GGACT: variants seen among roughly 807,000 people sequenced by gnomAD.
GGACT encodes gamma-glutamylamine cyclotransferase, also known as gamma-glutamylaminecyclotransferase.
For synonymous variants in GGACT, 118 were observed against 115.3 expected (o/e 1.02, Z -0.15); for missense variants, 241 against 233.2 (o/e 1.03, Z -0.22).
intron 2 of GGACT, among the ~76,000 whole-genome samples, chr13:100,565,706 C>G (rs1566536459): frequency 6.6e-6 from 1 of 152,146 alleles, no homozygotes; most frequent in Non-Finnish European, 1.5e-5. Context: ...CCCCTCAGAG[C>G]TAGAGTGATA....
chr13:100,540,337 T>C (rs1272349469), intron 2 of GGACT: 1 of 724,178 alleles, frequency 1.4e-6, no homozygotes, highest in Non-Finnish European at 2.5e-6. Flanking sequence ...GTTGTAGGTC[T>C]GTTCAGTCTC....
chr13:100,535,289 C>T (rs978432337), intron 2 of GGACT, among the ~76,000 whole-genome samples: 6 of 152,240 alleles, frequency 3.9e-5, no homozygotes, highest in Non-Finnish European at 7.3e-5. Context: ...GGAGGCAACA[C>T]TTTTAAGGCT....
At position 100,566,127 on chromosome 13, in the gene GGACT, G is replaced by C. The variant is rs868417011; in HGVS notation, c.-11+17698C>G. 4.6e-5 allele frequency among the ~76,000 whole-genome samples: 7 copies of C among 152,320 alleles called. No individual in the cohort carries two copies. In the Middle Eastern group the frequency reaches 0.02, roughly 444 times the overall value. On this transcript the variant is annotated intron_variant, in intron 2 of 2. Coordinates refer to ENST00000683975, the MANE Select transcript of GGACT (RefSeq NM_001195087.2). ...CAAGTCAAGCCTGGAGAAGGCCACA[G>C]TGCAGCCAGCACCTGAGTGCAGCCT...
chr13:100,547,802 A>C (rs1039653558), intron 2 of GGACT, among the ~76,000 whole-genome samples: 5 of 152,278 alleles, frequency 3.3e-5, no homozygotes, highest in Non-Finnish European at 7.3e-5. Context: ...TAATCCCTGC[A>C]GGCCTGGGCA....
intron 2 of GGACT, among the ~76,000 whole-genome samples, chr13:100,544,349 G>A (rs2088584817): frequency 6.6e-6 from 1 of 152,364 alleles, no homozygotes; most frequent in Admixed American, 6.5e-5. Flanking sequence ...TTCCCCGCGC[G>A]GCTCGGGGCA....
intron 2 of GGACT, among the ~76,000 whole-genome samples, chr13:100,559,828 T>C (rs1203725899): frequency 6.6e-6 from 1 of 152,218 alleles, no homozygotes; most frequent in East Asian, 1.9e-4. Flanking sequence ...AATCTAGCTG[T>C]TAAAAAGATT....
intron 1 of GGACT, among the ~76,000 whole-genome samples, chr13:100,585,286 C>T (rs1875533911): frequency 6.6e-6 from 1 of 152,206 alleles, no homozygotes; most frequent in African/African-American, 2.4e-5. Context: ...GATTTTAAAA[C>T]ACAAAAGCTT....
At chr13:100,579,116 A>C (rs536486696) in intron 2 of GGACT, among the ~76,000 whole-genome samples, 1 of 152,344 alleles carries the variant, frequency 6.6e-6, no homozygotes, top group African/African-American at 2.4e-5. Flanking sequence ...CTGGGTGCCC[A>C]CTATGTGGAA....
At chr13:100,549,441 C>T (rs2088637566) in intron 2 of GGACT, among the ~76,000 whole-genome samples, 1 of 152,248 alleles carries the variant, frequency 6.6e-6, no homozygotes, top group Non-Finnish European at 1.5e-5. Context: ...TGCTGGTTGG[C>T]ACTGCCAGGC....
rs201069479 is a variant in GGACT, at chr13:100,562,587, C to T, written c.-11+21238G>A. Among the ~76,000 whole-genome samples the T allele has an allele frequency of 2.6e-5, 4 of 151,988 alleles. No homozygotes were observed. In the East Asian group the frequency reaches 5.8e-4, roughly 22 times the overall value. On this transcript the variant is annotated intron_variant, in intron 2 of 2. Transcript: ENST00000683975. ...AAGGCAGGCAGATCACCTGAGGTCACGAGTTTGAGACCAGCCCAGCCAACA... is the reference window on the plus strand; with the variant it reads ...AAGGCAGGCAGATCACCTGAGGTCATGAGTTTGAGACCAGCCCAGCCAACA...
intron 1 of GGACT, among the ~76,000 whole-genome samples, chr13:100,587,521 G>T (rs1283242433): frequency 6.6e-6 from 1 of 152,172 alleles, no homozygotes; most frequent in Non-Finnish European, 1.5e-5. Flanking sequence ...AGGAAAACAA[G>T]GCATTTTGGG....
chr13:100,577,892 C>G (rs985289482), intron 2 of GGACT, among the ~76,000 whole-genome samples: 24 of 151,008 alleles, frequency 1.6e-4, no homozygotes, highest in African/African-American at 4.0e-4. Flanking sequence ...GGATGTGTCT[C>G]TATCCCTGCA....
At chr13:100,543,949 C>T (rs908336187) in intron 2 of GGACT, among the ~76,000 whole-genome samples, 8 of 152,242 alleles carry the variant, frequency 5.3e-5, no homozygotes, top group South Asian at 2.1e-4. Flanking sequence ...ATGGTGATCA[C>T]GGCTGTACAC....
chr13:100,581,947 G>A (rs1296273197), intron 2 of GGACT, among the ~76,000 whole-genome samples: 2 of 152,184 alleles, frequency 1.3e-5, no homozygotes, highest in African/African-American at 4.8e-5. Flanking sequence ...TGAGATTTCT[G>A]GAGTGGAAGA....
At chr13:100,561,707 G>T (rs2088761679) in intron 2 of GGACT, among the ~76,000 whole-genome samples, 1 of 152,190 alleles carries the variant, frequency 6.6e-6, no homozygotes, top group African/African-American at 2.4e-5. Flanking sequence ...GGAGGGCCCG[G>T]GATGCCCTTC....
chr13:100,570,249 CTAA>C lies in GGACT; in HGVS notation c.-11+13573_-11+13575del, dbSNP rs530422263. Among the ~76,000 whole-genome samples, 409 of 152,248 alleles carry C rather than the reference CTAA, an allele frequency of 2.7e-3. 6 individuals are homozygous for C. The highest frequency in any genetic ancestry group is 7.3e-3 in the African/African-American group (305 of 41,560). On this transcript the variant is annotated intron_variant, in intron 2 of 2. Coordinates refer to ENST00000683975, the MANE Select transcript of GGACT (RefSeq NM_001195087.2). ...ACTGTATTAGTCCATTCTCATACTG[CTAA>C]TAAAGACATACCTGAGACTGGGTAA...
In GGACT at chr13:100,530,212, G is replaced by T. The variant is rs367819938; in HGVS notation, c.*1918C>A. 1.8e-5 allele frequency: 26 copies of T among 1,416,118 alleles called. No individual in the cohort carries two copies. Among genetic ancestry groups the T allele is most frequent in the Non-Finnish European group, 2.6e-5 (26 of 1,000,234 alleles). 87.7% of individuals were successfully genotyped at this position (1,416,118 alleles called of 1,614,324 possible). A position where few individuals can be genotyped will look rare whatever the true frequency, so the allele number is the denominator to read the frequency against. On this transcript the variant is annotated 3_prime_UTR_variant, in exon 3 of 3. Transcript: ENST00000683975. ...CATCACCCAATTTAATTAGCCATTT[G>T]CATGATGCTTTCACACACAATTGAT...
Position 100,532,287 on chromosome 13 carries a change from G to A in GGACT, c.305C>T (p.Ala102Val), listed in dbSNP as rs1049599577. ...VLRVQLLEDRAPGAEEPPAPT... is the reference protein window; with the variant it reads ...VLRVQLLEDRVPGAEEPPAPT... ...CGCTGGCGGCTCCTCTGCGCCCGGG[G>A]CCCGGTCCTCCAGCAGCTGTACCCG... The change falls in exon 3 of 3, where the codon GCC (alanine) becomes GTC (valine). Residue 102 changes from alanine (A) to valine (V), a missense_variant. Coordinates refer to ENST00000683975, the MANE Select transcript of GGACT (RefSeq NM_001195087.2). The A allele has an allele frequency of 1.3e-6, 2 of 1,539,562 alleles. No individual in the cohort carries two copies. The highest frequency in any genetic ancestry group is 1.4e-5 in the African/African-American group (1 of 72,760).
chr13:100,553,856 A>AAG (rs1555333908), intron 2 of GGACT, among the ~76,000 whole-genome samples: 10 of 151,498 alleles, frequency 6.6e-5, no homozygotes, highest in African/African-American at 2.4e-4. Context: ...AAAAAAAAAA[A>AAG]AAAAGGTAGT....
Sources: allele counts gnomAD v4.1 joint callset (sites outside exome capture counted in the v4.1 genomes callset), GRCh38; gene constraint gnomAD v4.1.1; transcripts MANE v1.5; gene names NCBI Gene and HGNC (gene_info 2026-07-23, HGNC 2026-07-21).